The following EPB41L3 variants were observed in gnomAD, a reference collection of about 807,000 sequenced individuals.
The protein encoded by EPB41L3 is erythrocyte membrane protein band 4.1 like 3.
Under a neutral mutation model 127.1 loss-of-function variants are expected in EPB41L3, and 57 were observed. The observed-to-expected ratio is 0.45, with a 90% CI of 0.36 to 0.56. The LOEUF (loss-of-function observed/expected upper bound fraction) is 0.56. EPB41L3 is among the 20% of genes least tolerant of loss of function. EPB41L3 has a pLI of 0.00. For missense variants in EPB41L3, 1,273 were observed against 1,372.2 expected, an observed-to-expected ratio of 0.93 and a Z score of 1.14; for synonymous variants, 572 against 549.5, an observed-to-expected ratio of 1.04 and a Z score of -0.57.
intron 3 of EPB41L3, among the ~76,000 whole-genome samples, chr18:5,473,884 G>C (rs1345941915): frequency 6.6e-6 from 1 of 152,032 alleles, no homozygotes; most frequent in Non-Finnish European, 1.5e-5. Context: ...GCTATAATAA[G>C]ATCTTTTCTT....
chr18:5,410,942 T>C (rs528193641), intron 13 of EPB41L3, among the ~76,000 whole-genome samples: 2 of 152,178 alleles, frequency 1.3e-5, no homozygotes, highest in East Asian at 3.8e-4. Context: ...AACTTTTAAC[T>C]AAAAACCTCA....
intron 16 of EPB41L3, chr18:5,400,336 G>A (rs1286819867): frequency 6.5e-5 from 22 of 340,916 alleles, no homozygotes; most frequent in Non-Finnish European, 1.1e-4. Flanking sequence ...GAGCAGGTGA[G>A]TGCCCTGGTT....
intron 3 of EPB41L3, among the ~76,000 whole-genome samples, chr18:5,573,913 CTTT>C (rs749608391): frequency 1.4e-5 from 2 of 141,438 alleles, no homozygotes; most frequent in Admixed American, 7.1e-5. Context: ...ATATATATAC[CTTT>C]TTTTTTTTTT....
At chr18:5,530,440 GACC>G (rs2093373870) in intron 1 of EPB41L3, among the ~76,000 whole-genome samples, 1 of 152,026 alleles carries the variant, frequency 6.6e-6, no homozygotes. Flanking sequence ...AAGTACATCT[GACC>G]ACGTCTTCCA....
Position 5,434,149 on chromosome 18 carries a change from C to G in EPB41L3, c.606-28G>C, listed in dbSNP as rs755056855. ...TCCAGGAACCAAAAGCACAACACAA[C>G]GAAGGCAGCATGAGGATACAGGAAA... On this transcript the variant is annotated intron_variant, in intron 6 of 22. Transcript: ENST00000341928. 8.2e-6 allele frequency: 13 copies of G among 1,590,416 alleles called. No individual in the cohort carries two copies. The East Asian group carries it at 2.9e-4, about 36-fold the overall frequency.
Position 5,439,822 on chromosome 18 carries a change from C to A in EPB41L3, c.530-1712G>T, listed in dbSNP as rs552664916. Among the ~76,000 whole-genome samples, 7 of 152,294 alleles carry A rather than the reference C, an allele frequency of 4.6e-5. No individual in the cohort carries two copies. In the South Asian group the frequency reaches 1.4e-3, roughly 32 times the overall value. On this transcript the variant is annotated intron_variant, in intron 5 of 22. Coordinates refer to ENST00000341928, the MANE Select transcript of EPB41L3 (RefSeq NM_012307.5). ...CCAGTGGTAAGGTTCATAATGAGAT[C>A]TGGCTTTCCCCCAAGCAAGTGGAAT...
chr18:5,531,448 C>A (rs2093408004), intron 1 of EPB41L3, among the ~76,000 whole-genome samples: 1 of 152,076 alleles, frequency 6.6e-6, no homozygotes, highest in Admixed American at 6.5e-5. Flanking sequence ...ATAGGTTGGG[C>A]ACAGTGGTTC....
At chr18:5,540,247 A>C (rs761041391) in intron 1 of EPB41L3, 39 of 720,822 alleles carry the variant, frequency 5.4e-5, no homozygotes, top group Non-Finnish European at 6.5e-5. Flanking sequence ...CAAAAAACAA[A>C]CAAACAAAAA....
chr18:5,502,695 C>A (rs1367416897), intron 1 of EPB41L3, among the ~76,000 whole-genome samples: 3 of 152,146 alleles, frequency 2.0e-5, no homozygotes, highest in Non-Finnish European at 4.4e-5. Flanking sequence ...CAACATTGGT[C>A]CCAACACATT....
At chr18:5,477,176 G>T (rs1342722233) in intron 3 of EPB41L3, among the ~76,000 whole-genome samples, 1 of 152,204 alleles carries the variant, frequency 6.6e-6, no homozygotes, top group Non-Finnish European at 1.5e-5. Flanking sequence ...TAACAGGAAT[G>T]ATATGGGGGT....
At chr18:5,445,755 C>A (rs1309781125) in intron 3 of EPB41L3, among the ~76,000 whole-genome samples, 1 of 152,168 alleles carries the variant, frequency 6.6e-6, no homozygotes, top group East Asian at 1.9e-4. Flanking sequence ...GGCAGGCGAG[C>A]AAGCATTGCC....
upstream of EPB41L3, among the ~76,000 whole-genome samples, chr18:5,630,014 G>C (rs1310671831): frequency 1.3e-5 from 2 of 152,198 alleles, no homozygotes; most frequent in Non-Finnish European, 2.9e-5. Context: ...AGACTGGTGC[G>C]CTCGCCGGGC....
chr18:5,394,116 T>TC (rs2072901129), intron 22 of EPB41L3: 1 of 152,626 alleles, frequency 6.6e-6, no homozygotes, highest in South Asian at 2.1e-4. Context: ...ACAGGAAATA[T>TC]AAGACATCCA....
chr18:5,427,745 C>T (rs1356115970), intron 9 of EPB41L3, among the ~76,000 whole-genome samples: 2 of 152,142 alleles, frequency 1.3e-5, no homozygotes, highest in African/African-American at 4.8e-5. Flanking sequence ...ATTAATGATA[C>T]TGGAATTTTT....
chr18:5,447,397 C>T (rs575703793), intron 3 of EPB41L3, among the ~76,000 whole-genome samples: 150 of 150,042 alleles, frequency 1.0e-3, no homozygotes, highest in African/African-American at 3.4e-3. Flanking sequence ...ACATGTCCCA[C>T]TCTTTAGATA....
intron 19 of EPB41L3, 41 bp from the exon 20 acceptor site, chr18:5,395,748 C>G (rs762922325): frequency 6.6e-7 from 1 of 1,507,332 alleles, no homozygotes; most frequent in Non-Finnish European, 9.2e-7. Flanking sequence ...CAGGTGCTCA[C>G]ATCTGCTCTT....
At chr18:5,540,446 G>A in intron 1 of EPB41L3, 1 of 985,358 alleles carries the variant, frequency 1.0e-6, no homozygotes, top group Non-Finnish European at 1.2e-6. Flanking sequence ...CCCCACCCTT[G>A]TTTCCTTTGA....
Position 5,415,802 on chromosome 18 carries a change from A to G in EPB41L3, c.2067+16T>C, listed in dbSNP as rs761548461. On this transcript the variant is annotated intron_variant, in intron 13 of 22. Transcript: ENST00000341928. ...GGAACACGAAGGGGAAGCGTGTTCT[A>G]TGCCGAGGTACACACCTCTTCCTCT... The G allele has an allele frequency of 6.2e-7, 1 of 1,606,474 alleles. No individual in the cohort carries two copies. The highest frequency in any genetic ancestry group is 1.1e-5 in the South Asian group (1 of 90,696).
At chr18:5,594,750 T>C (rs765933444) in intron 3 of EPB41L3, among the ~76,000 whole-genome samples, 3 of 152,202 alleles carry the variant, frequency 2.0e-5, no homozygotes, top group African/African-American at 7.2e-5. Flanking sequence ...TAGCAGTGAA[T>C]ACTAAGGATG....
Sources: gnomAD v4.1 joint callset for allele counts (sites outside exome capture counted in the v4.1 genomes callset) on GRCh38, gnomAD v4.1.1 for gene constraint, MANE v1.5 for transcripts, NCBI Gene and HGNC (gene_info 2026-07-23, HGNC 2026-07-21) for gene names.